Variants in KCNQ1OT1 observed in about 807,000 individuals in gnomAD.
KCNQ1OT1 encodes KCNQ1 antisense RNA 2 (non-protein coding).
chr11:2,658,080 G>A lies in KCNQ1OT1; in HGVS notation n.41915C>T, dbSNP rs189137. On this transcript the variant is annotated non_coding_transcript_exon_variant, in exon 1 of 1. Coordinates refer to ENST00000597346, the Ensembl canonical transcript of KCNQ1OT1. This position sits in a 1 kb window ranked among gnomAD's most constrained non-coding sequence, Gnocchi z 4.9. Reference sequence around the variant, plus strand: ...CCACACTCAAGGTGGGGAAGGGAGGGGTTCAACTCTACCTCCTGCAGGAGA... The same window carrying A: ...CCACACTCAAGGTGGGGAAGGGAGGAGTTCAACTCTACCTCCTGCAGGAGA... The A allele has an allele frequency of 0.11, 45,275 of 398,354 alleles. 2,907 individuals are homozygous for A. The highest frequency in any genetic ancestry group is 0.17 in the African/African-American group (8,142 of 48,642). 24.7% of individuals were successfully genotyped at this position (398,354 alleles called of 1,614,324 possible). A position where few individuals can be genotyped will look rare whatever the true frequency, so the allele number is the denominator to read the frequency against.
chr11:2,655,746 C>A, exon 1 of KCNQ1OT1: 1 of 387,254 alleles, frequency 2.6e-6, no homozygotes, highest in Non-Finnish European at 4.5e-6. Flanking sequence ...CAGGTGAAAA[C>A]AGGGAAGAGG....
chr11:2,676,731 G>C lies in KCNQ1OT1; in HGVS notation n.23264C>G, dbSNP rs1256327913. ...AGATAACCAAGTCATATGCATAGTG[G>C]CTTTGGGTACGATGGTCTGCTGTAT... On this transcript the variant is annotated non_coding_transcript_exon_variant, in exon 1 of 1. Transcript: ENST00000597346. This position sits in a 1 kb window ranked among gnomAD's most constrained non-coding sequence, Gnocchi z 4.2. The C allele has an allele frequency of 2.5e-6, 1 of 398,536 alleles. No individual in the cohort carries two copies. The highest frequency in any genetic ancestry group is 3.6e-5 in the East Asian group (1 of 28,094). 24.7% of individuals were successfully genotyped at this position (398,536 alleles called of 1,614,324 possible).
chr11:2,662,697 G>C (rs916819411), exon 1 of KCNQ1OT1: 2 of 402,466 alleles, frequency 5.0e-6, no homozygotes, highest in Non-Finnish European at 8.8e-6. Flanking sequence ...GGTGACAGCC[G>C]TGCAGCGGGG....
exon 1 of KCNQ1OT1, chr11:2,615,176 A>C (rs983375066): frequency 4.8e-5 from 19 of 398,100 alleles, no homozygotes; most frequent in African/African-American, 3.9e-4. Context: ...GAATTTTAAA[A>C]ATTGACTTCC....
rs1248890527 is a variant in KCNQ1OT1 at position 2,683,660 on chromosome 11, T to C, written n.16335A>G. The C allele has an allele frequency of 5.0e-6, 2 of 398,620 alleles. No individual in the cohort carries two copies. The highest frequency in any genetic ancestry group is 8.8e-6 in the Non-Finnish European group (2 of 226,080). The allele number at this position is 398,620 out of a possible 1,614,324, so 24.7% of individuals were successfully genotyped here. On this transcript the variant is annotated non_coding_transcript_exon_variant, in exon 1 of 1. Transcript: ENST00000597346. This position sits in a 1 kb window ranked among gnomAD's most constrained non-coding sequence, Gnocchi z 4.7. ...CTGCTGCAAGGAACATCCCTTACTTTCCCATCTCAATACAACTGTGAAAAG... is the reference window on the plus strand; with the variant it reads ...CTGCTGCAAGGAACATCCCTTACTTCCCCATCTCAATACAACTGTGAAAAG...
exon 1 of KCNQ1OT1, chr11:2,610,267 C>A (rs1848957644): frequency 2.5e-6 from 1 of 397,916 alleles, no homozygotes; most frequent in Non-Finnish European, 4.4e-6. Context: ...AGAAGTTATT[C>A]CTGTATGAGT....
chr11:2,617,740 G>A lies in KCNQ1OT1; in HGVS notation n.82255C>T, dbSNP rs1220836113. The A allele has an allele frequency of 2.5e-6, 1 of 398,460 alleles. No homozygotes were observed. Among genetic ancestry groups the A allele is most frequent in the East Asian group, 3.6e-5 (1 of 28,068 alleles). The allele number at this position is 398,460 out of a possible 1,614,324, so 24.7% of individuals were successfully genotyped here. A position where few individuals can be genotyped will look rare whatever the true frequency, so the allele number is the denominator to read the frequency against. On this transcript the variant is annotated non_coding_transcript_exon_variant, in exon 1 of 1. Transcript: ENST00000597346. This position sits in a 1 kb window ranked among gnomAD's most constrained non-coding sequence, Gnocchi z 4.6. ...TAATAGCTATTCTCATGAGTGTGAG[G>A]TGATATCGCATAGTAATTTTGATTT... is the stretch of plus-strand genomic sequence containing the variant.
In KCNQ1OT1 at chr11:2,613,158, T is replaced by C. The variant is rs999852033; in HGVS notation, n.86837A>G. 2.5e-6 allele frequency: 1 copy of C among 398,474 alleles called. No homozygotes were observed. Among genetic ancestry groups the C allele is most frequent in the Non-Finnish European group, 4.4e-6 (1 of 226,076 alleles). 24.7% of individuals were successfully genotyped at this position (398,474 alleles called of 1,614,324 possible). A position where few individuals can be genotyped will look rare whatever the true frequency, so the allele number is the denominator to read the frequency against. ...TCTGCTGAGGGGATCTATGTGTGGG[T>C]TGGGACATTCAAAGTTCAGGCACTT... is the stretch of plus-strand genomic sequence containing the variant. On this transcript the variant is annotated non_coding_transcript_exon_variant, in exon 1 of 1. Transcript: ENST00000597346. The surrounding 1 kb of genome is among the most constrained non-coding windows in gnomAD (Gnocchi z 4.8).
chr11:2,697,003 A>C (rs570139770), exon 1 of KCNQ1OT1: 1 of 398,542 alleles, frequency 2.5e-6, no homozygotes, highest in African/African-American at 2.1e-5. Flanking sequence ...TAATTTTCAA[A>C]GTGTAGTCTG....
chr11:2,673,911 G>C lies in KCNQ1OT1; in HGVS notation n.26084C>G, dbSNP rs1186241802. 3 of 397,956 alleles carry C rather than the reference G, an allele frequency of 7.5e-6. No individual in the cohort carries two copies. The highest frequency in any genetic ancestry group is 1.3e-5 in the Non-Finnish European group (3 of 226,016). The allele number at this position is 397,956 out of a possible 1,614,324, so 24.7% of individuals were successfully genotyped here. On this transcript the variant is annotated non_coding_transcript_exon_variant, in exon 1 of 1. Coordinates refer to ENST00000597346, the Ensembl canonical transcript of KCNQ1OT1. This position sits in a 1 kb window ranked among gnomAD's most constrained non-coding sequence, Gnocchi z 4.5. ...GAAGGGATGGGAGCTCAGCTCACCG[G>C]GTGCTAGACAAGGGAGTGTGTCTCT...
At chr11:2,625,189 C>T (rs1035527145) in exon 1 of KCNQ1OT1, 8 of 398,572 alleles carry the variant, frequency 2.0e-5, no homozygotes, top group Non-Finnish European at 3.5e-5. Flanking sequence ...TTTTGCATTC[C>T]CACTAACAGT....
rs1490694326 is a variant in KCNQ1OT1 at position 2,663,483 on chromosome 11, G to C, written n.36512C>G. On this transcript the variant is annotated non_coding_transcript_exon_variant, in exon 1 of 1. Transcript: ENST00000597346. The surrounding 1 kb of genome is among the most constrained non-coding windows in gnomAD (Gnocchi z 5.2). ...GTGTTAGTTTAGTGGCTCATGTTGT[G>C]TGCAATACAGGTGGCAGTGCCTGTA... The C allele has an allele frequency of 5.0e-6, 2 of 398,544 alleles. No homozygotes were observed. The highest frequency in any genetic ancestry group is 8.8e-6 in the Non-Finnish European group (2 of 226,102). The allele number at this position is 398,544 out of a possible 1,614,324, so 24.7% of individuals were successfully genotyped here. A position where few individuals can be genotyped will look rare whatever the true frequency, so the allele number is the denominator to read the frequency against.
chr11:2,662,230 G>A (rs1210282709), exon 1 of KCNQ1OT1: 20 of 997,144 alleles, frequency 2.0e-5, no homozygotes, highest in South Asian at 1.1e-4. Context: ...GCCCCAACAC[G>A]GAGGCACCAG....
rs138036177 is a variant in KCNQ1OT1 at position 2,675,565 on chromosome 11, C to T, written n.24430G>A. The T allele has an allele frequency of 3.3e-5, 13 of 398,656 alleles. No homozygotes were observed. In the East Asian group the frequency reaches 3.6e-4, roughly 11 times the overall value. 24.7% of individuals were successfully genotyped at this position (398,656 alleles called of 1,614,324 possible). On this transcript the variant is annotated non_coding_transcript_exon_variant, in exon 1 of 1. Transcript: ENST00000597346. ...ACTGGAAATTCTGTAATAAGACATA[C>T]GTAACAGTTTCACTTCCTAGGAGAT...
exon 1 of KCNQ1OT1, chr11:2,641,492 G>C (rs1849576433): frequency 2.5e-6 from 1 of 397,704 alleles, no homozygotes; most frequent in Non-Finnish European, 4.4e-6. Flanking sequence ...TTAATTTGTT[G>C]TTTACTATTG....
exon 1 of KCNQ1OT1, chr11:2,686,515 C>T (rs567021133): frequency 6.8e-5 from 27 of 398,684 alleles, no homozygotes; most frequent in African/African-American, 4.9e-4. Flanking sequence ...GTCTCACTCC[C>T]GTCACGGAAA....
At chr11:2,649,177 A>G (rs1372502602) in exon 1 of KCNQ1OT1, 3 of 398,012 alleles carry the variant, frequency 7.5e-6, no homozygotes, top group East Asian at 3.6e-5. Context: ...GCCAGTATCT[A>G]TCTTTCATTT....
In KCNQ1OT1 at chr11:2,624,121, G is replaced by A. The variant is rs1464700397; in HGVS notation, n.75874C>T. 1 of 398,404 alleles carries A rather than the reference G, an allele frequency of 2.5e-6. No individual in the cohort carries two copies. The highest frequency in any genetic ancestry group is 4.4e-6 in the Non-Finnish European group (1 of 226,046). 24.7% of individuals were successfully genotyped at this position (398,404 alleles called of 1,614,324 possible). A position where few individuals can be genotyped will look rare whatever the true frequency, so the allele number is the denominator to read the frequency against. ...GAATTTTGGCCATTCTAATAAGCGTGTAGATATATCACATTTCTTGTTTTA... is the reference window on the plus strand; with the variant it reads ...GAATTTTGGCCATTCTAATAAGCGTATAGATATATCACATTTCTTGTTTTA... On this transcript the variant is annotated non_coding_transcript_exon_variant, in exon 1 of 1. Transcript: ENST00000597346. This position sits in a 1 kb window ranked among gnomAD's most constrained non-coding sequence, Gnocchi z 4.9.
Position 2,683,464 on chromosome 11 carries a change from A to G in KCNQ1OT1, n.16531T>C, listed in dbSNP as rs1850431938. On this transcript the variant is annotated non_coding_transcript_exon_variant, in exon 1 of 1. Transcript: ENST00000597346. This position sits in a 1 kb window ranked among gnomAD's most constrained non-coding sequence, Gnocchi z 4.7. ...AAATGTAGGAATTACATATGATTCC[A>G]TCAATGACAGTTTTCCTATTAAAAC... is the stretch of plus-strand genomic sequence containing the variant. 1 of 398,550 alleles carries G rather than the reference A, an allele frequency of 2.5e-6. No individual in the cohort carries two copies. Among genetic ancestry groups the G allele is most frequent in the African/African-American group, 2.1e-5 (1 of 48,636 alleles). The allele number at this position is 398,550 out of a possible 1,614,324, so 24.7% of individuals were successfully genotyped here.
Sources: gnomAD v4.1 joint callset for allele counts on GRCh38, gnomAD v4.1.1 for gene constraint, Gnocchi (gnomAD v3.1) non-coding constraint, MANE v1.5 for transcripts, NCBI Gene and HGNC (gene_info 2026-07-23, HGNC 2026-07-21) for gene names.